TNN: variants seen among roughly 807,000 people sequenced by gnomAD.
The protein encoded by TNN is tenascin-N.
A neutral mutation model predicts 134.4 loss-of-function variants in TNN; 122 were observed. The observed-to-expected ratio is 0.91, with a 90% CI of 0.78 to 1.06. The LOEUF is 1.06. Among genes scored for constraint, TNN ranks in the 50% least tolerant of loss-of-function variants. The pLI is 0.00. For synonymous variants in TNN, 710 were observed against 670.3 expected, an observed-to-expected ratio of 1.06 and a Z score of -0.91; for missense variants, 1,739 against 1,699.4, an observed-to-expected ratio of 1.02 and a Z score of -0.41.
intron 9 of TNN, among the ~76,000 whole-genome samples, chr1:175,109,368 G>A (rs953860511): frequency 3.3e-5 from 5 of 151,656 alleles, no homozygotes; most frequent in Non-Finnish European, 7.4e-5. Flanking sequence ...GATTACAGGC[G>A]TGAGCCACCG....
intron 18 of TNN, among the ~76,000 whole-genome samples, chr1:175,146,553 T>G (rs1676071117): frequency 6.6e-6 from 1 of 152,168 alleles, no homozygotes; most frequent in Admixed American, 6.5e-5. Flanking sequence ...GCCTTTAATT[T>G]TTTGGAAAGG....
At chr1:175,101,320 G>T (rs1001749463) in intron 9 of TNN, among the ~76,000 whole-genome samples, 3 of 152,000 alleles carry the variant, frequency 2.0e-5, no homozygotes, top group African/African-American at 7.2e-5. Flanking sequence ...GGAGTTGTTG[G>T]TTCCTCCCGG....
intron 17 of TNN, among the ~76,000 whole-genome samples, chr1:175,141,444 T>C (rs1675942985): frequency 6.6e-6 from 1 of 151,806 alleles, no homozygotes; most frequent in African/African-American, 2.4e-5. Flanking sequence ...AAGCATTTAG[T>C]GGGTTGGGAC....
chr1:175,076,936 T>C lies in TNN; in HGVS notation c.-35-448T>C, dbSNP rs184050683. ...TGTGAGAATGGAATGAGTTAATAAA[T>C]GTGAAACACTTAGAACATTTAGAAT... On this transcript the variant is annotated intron_variant, in intron 1 of 18. Coordinates refer to ENST00000239462, the MANE Select transcript of TNN (RefSeq NM_022093.2). 2.4e-3 allele frequency among the ~76,000 whole-genome samples: 369 copies of C among 152,368 alleles called. 4 individuals carry two copies. Among genetic ancestry groups the C allele is most frequent in the African/African-American group, 8.6e-3 (358 of 41,590 alleles).
intron 9 of TNN, among the ~76,000 whole-genome samples, chr1:175,111,882 G>T (rs916944299): frequency 6.6e-6 from 1 of 152,088 alleles, no homozygotes; most frequent in Non-Finnish European, 1.5e-5. Context: ...AGCTCTAAGA[G>T]TGTCTTGGTG....
At chr1:175,070,418 G>A (rs940621654) in intron 1 of TNN, among the ~76,000 whole-genome samples, 3 of 152,150 alleles carry the variant, frequency 2.0e-5, no homozygotes, top group Admixed American at 1.3e-4. Context: ...CCTCAGGCGG[G>A]TGGGCAGACT....
In TNN at chr1:175,072,926, CTTTTTTT is replaced by C. The variant is rs60879960; in HGVS notation, c.-35-4440_-35-4434del. Among the ~76,000 whole-genome samples, 62 of 46,762 alleles carry C rather than the reference CTTTTTTT, an allele frequency of 1.3e-3. No homozygotes were observed. The East Asian group carries it at 0.032, about 24-fold the overall frequency. The allele number at this position is 46,762 out of a possible 152,430, so 30.7% of individuals were successfully genotyped here. On this transcript the variant is annotated intron_variant, in intron 1 of 18. Coordinates refer to ENST00000239462, the MANE Select transcript of TNN (RefSeq NM_022093.2). The stretch of plus-strand genomic sequence containing the variant: ...TGTGGTTGATGGCAAGAGTCCACGG[CTTTTTTT>C]TTTTTTTTTTTTTTTTTGCTTTCGT...
At chr1:175,075,674 C>G (rs990821633) in intron 1 of TNN, among the ~76,000 whole-genome samples, 4 of 152,112 alleles carry the variant, frequency 2.6e-5, no homozygotes, top group Non-Finnish European at 4.4e-5. Flanking sequence ...TAAAATAAAC[C>G]TCAAAATTTT....
chr1:175,123,825 A>G (rs1675444755), intron 12 of TNN, among the ~76,000 whole-genome samples, 162 bp downstream of exon 12: 1 of 147,360 alleles, frequency 6.8e-6, no homozygotes, highest in African/African-American at 2.5e-5. Flanking sequence ...AAGTTGACAC[A>G]ACAGCTCAGA....
At chr1:175,093,362 T>C (rs1467790814) in intron 6 of TNN, among the ~76,000 whole-genome samples, 6 of 152,240 alleles carry the variant, frequency 3.9e-5, no homozygotes, top group African/African-American at 1.4e-4. Flanking sequence ...TGTTCTGGGT[T>C]AGTTCTTTTT....
chr1:175,077,645 G>A lies in TNN; in HGVS notation c.227G>A (p.Gly76Glu), dbSNP rs1403580332. ...SDDGASLLAL[G>E]EAREEQNIIF... ...GATGGGGCTTCGCTCTTGGCCCTGG[G>A]GGAGGCCAGGGAGGAACAGAACATC... The change falls in exon 2 of 19, where the codon GGG (glycine) becomes GAG (glutamate). Residue 76 changes from glycine to glutamate, a missense_variant. Transcript: ENST00000239462. 1.9e-6 allele frequency: 3 copies of A among 1,614,210 alleles called. No homozygotes were observed. The highest frequency in any genetic ancestry group is 2.5e-6 in the Non-Finnish European group (3 of 1,180,028).
chr1:175,147,242 CT>C lies in TNN; in HGVS notation c.*174del. The C allele has an allele frequency of 1.7e-6, 1 of 581,164 alleles. No homozygotes were observed. The highest frequency in any genetic ancestry group is 2.7e-6 in the Non-Finnish European group (1 of 370,014). The allele number at this position is 581,164 out of a possible 1,614,324, so 36.0% of individuals were successfully genotyped here. ...CCCTCTCACCTGCATTTTTGCCCGT[CT>C]TTATGAGGGTCTTGAAAATCAAAAT... On this transcript the variant is annotated 3_prime_UTR_variant, in exon 19 of 19. Coordinates refer to ENST00000239462, the MANE Select transcript of TNN (RefSeq NM_022093.2).
intron 15 of TNN, among the ~76,000 whole-genome samples, chr1:175,132,315 A>C (rs936705623): frequency 6.6e-6 from 1 of 152,228 alleles, no homozygotes; most frequent in African/African-American, 2.4e-5. Context: ...TGTATCAGTG[A>C]TTAGCTGTAG....
At chr1:175,109,601 CA>C in intron 9 of TNN, among the ~76,000 whole-genome samples, 1 of 151,282 alleles carries the variant, frequency 6.6e-6, no homozygotes, top group Non-Finnish European at 1.5e-5. Context: ...TGTGTTGCTG[CA>C]AAGGAAAGGA....
intron 9 of TNN, among the ~76,000 whole-genome samples, chr1:175,108,985 G>A (rs1674941840): frequency 6.6e-6 from 1 of 151,934 alleles, no homozygotes; most frequent in Non-Finnish European, 1.5e-5. Context: ...AAGAGCAAGT[G>A]AGGGCTCTGA....
At chr1:175,083,242 T>G (rs192307090) in intron 4 of TNN, among the ~76,000 whole-genome samples, 68 of 152,356 alleles carry the variant, frequency 4.5e-4, no homozygotes, top group Admixed American at 5.9e-4. Flanking sequence ...GGCTGCAATT[T>G]GGGAGATGGA....
chr1:175,113,051 C>A (rs949498109), intron 9 of TNN, among the ~76,000 whole-genome samples: 2 of 152,034 alleles, frequency 1.3e-5, no homozygotes, highest in Non-Finnish European at 2.9e-5. Flanking sequence ...TTGTTAATTT[C>A]TTCTTCTATT....
intron 13 of TNN, among the ~76,000 whole-genome samples, chr1:175,127,630 T>C (rs1316144854): frequency 6.6e-6 from 1 of 152,236 alleles, no homozygotes; most frequent in Non-Finnish European, 1.5e-5. Flanking sequence ...TATCTCCTTG[T>C]CTCAGATATC....
At chr1:175,105,255 C>T (rs1420265179) in intron 9 of TNN, among the ~76,000 whole-genome samples, 1 of 146,008 alleles carries the variant, frequency 6.8e-6, no homozygotes, top group Non-Finnish European at 1.5e-5. Context: ...TTCCCCAGGT[C>T]TGCCTTGATC....
Sources: gnomAD v4.1 joint callset for allele counts (sites outside exome capture counted in the v4.1 genomes callset) on GRCh38, gnomAD v4.1.1 for gene constraint, MANE v1.5 for transcripts, NCBI Gene and HGNC (gene_info 2026-07-23, HGNC 2026-07-21) for gene names.